The following KCNC2 variants were observed in gnomAD, a reference collection of about 807,000 sequenced individuals.
The protein encoded by KCNC2 is potassium voltage-gated channel subfamily C member 2.
KCNC2 carries 21 observed loss-of-function variants against 44.5 expected under a neutral mutation model. That is an observed-to-expected ratio of 0.47 (90% CI 0.33 to 0.68). The LOEUF (loss-of-function observed/expected upper bound fraction) is 0.68, where lower values mean the gene tolerates loss of function less well. KCNC2 is among the 30% of genes least tolerant of loss of function. The pLI is 0.01. For missense variants in KCNC2, 589 were observed against 826.2 expected (o/e 0.71, Z 3.52); for synonymous variants, 391 against 339.1 (o/e 1.15, Z -1.68).
rs139866463 is a variant in KCNC2, at chr12:75,185,070, C to A, written c.687+22227G>T. 3.7e-3 allele frequency among the ~76,000 whole-genome samples: 567 copies of A among 152,202 alleles called. 1 individual carries two copies. The highest frequency in any genetic ancestry group is 0.013 in the African/African-American group (533 of 41,524). On this transcript the variant is annotated intron_variant, in intron 2 of 4. Coordinates refer to ENST00000549446, the MANE Select transcript of KCNC2 (RefSeq NM_139137.4). ...ATTTAAAATGATAGTAGACTTTATA[C>A]CTGAAATGATTTCAGATATGTTGTA...
intron 2 of KCNC2, among the ~76,000 whole-genome samples, chr12:75,192,170 A>G (rs960976699): frequency 6.6e-6 from 1 of 152,234 alleles, no homozygotes; most frequent in African/African-American, 2.4e-5. Context: ...AAACAAAGTA[A>G]CAACAGTGCG....
intron 2 of KCNC2, among the ~76,000 whole-genome samples, chr12:75,092,798 A>G (rs1885597373): frequency 6.6e-6 from 1 of 151,722 alleles, no homozygotes; most frequent in Non-Finnish European, 1.5e-5. Flanking sequence ...ATGAAGTATT[A>G]CATTTCAGTC....
intron 2 of KCNC2, among the ~76,000 whole-genome samples, chr12:75,129,500 G>C (rs1419502039): frequency 2.6e-5 from 4 of 152,098 alleles, no homozygotes; most frequent in Non-Finnish European, 5.9e-5. Flanking sequence ...TAAAGGTAGG[G>C]CTGTGTGTCT....
At chr12:75,086,676 AAAAAAATATATAT>A (rs1885046083) in intron 2 of KCNC2, among the ~76,000 whole-genome samples, 1 of 33,506 alleles carries the variant, frequency 3.0e-5, no homozygotes, top group African/African-American at 1.8e-4. Context: ...AAAAAAAAAA[AAAAAAATATATAT>A]ATATATATAT....
In KCNC2 at chr12:75,153,785, G is replaced by A. The variant is rs567394866; in HGVS notation, c.687+53512C>T. On this transcript the variant is annotated intron_variant, in intron 2 of 4. Transcript: ENST00000549446. The stretch of plus-strand genomic sequence containing the variant: ...GAAAAGAAATGTTATTAAGAAAAAC[G>A]TGAAGGAGAGAAAATATATTTATTA... Among the ~76,000 whole-genome samples, 25 of 151,856 alleles carry A rather than the reference G, an allele frequency of 1.6e-4. No individual in the cohort carries two copies. The Middle Eastern group carries it at 0.01, about 62-fold the overall frequency.
In KCNC2 at chr12:75,180,131, ATGTTT is replaced by A. The variant is rs201651930; in HGVS notation, c.687+27161_687+27165del. ...GACATTTCAAAGTGTTAAATGCTCA[ATGTTT>A]TGTATGTTAATAATTTGGCACATAT... On this transcript the variant is annotated intron_variant, in intron 2 of 4. Transcript: ENST00000549446. Among the ~76,000 whole-genome samples, 4 of 152,064 alleles carry A rather than the reference ATGTTT, an allele frequency of 2.6e-5. No homozygotes were observed. The East Asian group carries it at 7.7e-4, about 29-fold the overall frequency.
rs776829308 is a variant in KCNC2, at chr12:75,051,332, G to A, written c.688-15C>T. On this transcript the variant is annotated splice_polypyrimidine_tract_variant and intron_variant, in intron 2 of 4. Transcript: ENST00000549446. ...AAAGCAATAAACTGTAGAGGAAAAA[G>A]AAATAAAAAAACCCATAGTGATCTG... 3 of 1,448,920 alleles carry A rather than the reference G, an allele frequency of 2.1e-6. No homozygotes were observed. The highest frequency in any genetic ancestry group is 1.3e-5 in the South Asian group (1 of 77,006). 89.8% of individuals were successfully genotyped at this position (1,448,920 alleles called of 1,614,324 possible).
At chr12:75,091,147 C>G (rs1400803718) in intron 2 of KCNC2, among the ~76,000 whole-genome samples, 1 of 151,696 alleles carries the variant, frequency 6.6e-6, no homozygotes, top group Admixed American at 6.6e-5. Flanking sequence ...ATTTTCCAGA[C>G]ATATTACAAT....
At position 75,096,992 on chromosome 12, in the gene KCNC2, T is replaced by G. The variant is rs557856056; in HGVS notation, c.688-45675A>C. ...CCATTGATAATTGCCAAAACTTGGA[T>G]GCCCACAAGATGACTTTCAATCAGT... is the stretch of plus-strand genomic sequence containing the variant. On this transcript the variant is annotated intron_variant, in intron 2 of 4. Transcript: ENST00000549446. Among the ~76,000 whole-genome samples the G allele has an allele frequency of 4.6e-5, 7 of 152,236 alleles. No homozygotes were observed. In the South Asian group the frequency reaches 8.3e-4, roughly 18 times the overall value.
At chr12:75,180,836 A>G (rs1011288345) in intron 2 of KCNC2, among the ~76,000 whole-genome samples, 1 of 152,124 alleles carries the variant, frequency 6.6e-6, no homozygotes, top group Non-Finnish European at 1.5e-5. Context: ...AGAACCCACT[A>G]TAAAACTAAG....
chr12:75,050,004 C>G (rs1880993705), intron 3 of KCNC2, among the ~76,000 whole-genome samples: 1 of 151,884 alleles, frequency 6.6e-6, no homozygotes. Context: ...ACAAACACAC[C>G]AAGCCAAACG....
chr12:75,191,537 T>TA (rs2030247372), intron 2 of KCNC2, among the ~76,000 whole-genome samples: 2 of 45,886 alleles, frequency 4.4e-5, no homozygotes, highest in Non-Finnish European at 7.5e-5. Context: ...ATTTTTTTTT[T>TA]TTTTTTTTTT....
Position 75,108,788 on chromosome 12 carries a change from A to G in KCNC2, c.688-57471T>C, listed in dbSNP as rs1180393955. Among the ~76,000 whole-genome samples, 7 of 152,196 alleles carry G rather than the reference A, an allele frequency of 4.6e-5. No homozygotes were observed. In the East Asian group the frequency reaches 1.3e-3, roughly 29 times the overall value. On this transcript the variant is annotated intron_variant, in intron 2 of 4. Transcript: ENST00000549446. ...GCTAAGATAGTTTTTTTGTTCAGGA[A>G]TATTTAAGCATTTTTTCCCTGGGCA...
At chr12:75,043,974 C>T (rs1358061285) in intron 4 of KCNC2, among the ~76,000 whole-genome samples, 1 of 151,962 alleles carries the variant, frequency 6.6e-6, no homozygotes, top group African/African-American at 2.4e-5. Context: ...GGTGTTAATT[C>T]ATCTTTTCTT....
At chr12:75,117,938 G>C in intron 2 of KCNC2, among the ~76,000 whole-genome samples, 1 of 152,094 alleles carries the variant, frequency 6.6e-6, no homozygotes, top group East Asian at 1.9e-4. Context: ...CCCTGGAGTT[G>C]TACAACTCAG....
At position 75,070,037 on chromosome 12, in the gene KCNC2, G is replaced by A. The variant is rs531440373; in HGVS notation, c.688-18720C>T. Among the ~76,000 whole-genome samples, 16 of 152,290 alleles carry A rather than the reference G, an allele frequency of 1.1e-4. 1 individual carries two copies. In the South Asian group the frequency reaches 2.9e-3, roughly 28 times the overall value. ...TCTCTGGTTCCTTTACTTGTGCATAGAAATGTGGATGTTAACAATCATCAG... is the reference window on the plus strand; with the variant it reads ...TCTCTGGTTCCTTTACTTGTGCATAAAAATGTGGATGTTAACAATCATCAG... On this transcript the variant is annotated intron_variant, in intron 2 of 4. Coordinates refer to ENST00000549446, the MANE Select transcript of KCNC2 (RefSeq NM_139137.4).
chr12:75,160,940 A>T (rs1288608354), intron 2 of KCNC2, among the ~76,000 whole-genome samples: 1 of 151,816 alleles, frequency 6.6e-6, no homozygotes, highest in Non-Finnish European at 1.5e-5. Flanking sequence ...GACAAAAACA[A>T]ATTGAAAAGA....
chr12:75,161,332 C>A lies in KCNC2; in HGVS notation c.687+45965G>T, dbSNP rs376651604. On this transcript the variant is annotated intron_variant, in intron 2 of 4. Transcript: ENST00000549446. ...AAAATATAAATGATATCTAGTCAAGCAGAAACTGATTTTACTCATAGCAGC... is the reference window on the plus strand; with the variant it reads ...AAAATATAAATGATATCTAGTCAAGAAGAAACTGATTTTACTCATAGCAGC... 1.1e-4 allele frequency among the ~76,000 whole-genome samples: 17 copies of A among 151,662 alleles called. No individual in the cohort carries two copies. The South Asian group carries it at 1.2e-3, about 11-fold the overall frequency.
At chr12:75,177,218 A>G (rs1441874333) in intron 2 of KCNC2, among the ~76,000 whole-genome samples, 1 of 151,858 alleles carries the variant, frequency 6.6e-6, no homozygotes, top group African/African-American at 2.4e-5. Flanking sequence ...AATGAATTTA[A>G]TAAAATCTGA....
Sources: allele counts gnomAD v4.1 joint callset (sites outside exome capture counted in the v4.1 genomes callset), GRCh38; gene constraint gnomAD v4.1.1; transcripts MANE v1.5; gene names NCBI Gene and HGNC (gene_info 2026-07-23, HGNC 2026-07-21).